The following WWOX variants were observed in gnomAD, a reference collection of about 807,000 sequenced individuals.
The protein encoded by WWOX is WW domain-containing oxidoreductase.
A neutral mutation model predicts 46.2 loss-of-function variants in WWOX; 69 were observed. The ratio of observed to expected loss-of-function variants is 1.49; its 90% CI spans 1.23 to 1.82. The LOEUF is 1.82. Among genes scored for constraint, WWOX ranks in the 40% most tolerant of loss-of-function variants. The probability of loss-of-function intolerance (pLI) is 0.00; values close to 1 mark genes in which losing one functional copy is unlikely to be tolerated. For missense variants in WWOX, 919 were observed against 542.6 expected (o/e 1.69, Z -6.89); for synonymous variants, 359 against 202.6 (o/e 1.77, Z -6.56).
chr16:78,950,274 G>C (rs181367974), intron 8 of WWOX, among the ~76,000 whole-genome samples: 1 of 152,270 alleles, frequency 6.6e-6, no homozygotes, highest in Admixed American at 6.5e-5. Context: ...TGATGTGTGT[G>C]CCTTTGGAGT....
chr16:78,155,967 A>G (rs2034583074), intron 4 of WWOX, among the ~76,000 whole-genome samples: 1 of 152,354 alleles, frequency 6.6e-6, no homozygotes. Flanking sequence ...CTGTTAAACT[A>G]TCATCTTTTG....
intron 8 of WWOX, among the ~76,000 whole-genome samples, chr16:78,533,523 T>A (rs2043681266): frequency 6.6e-6 from 1 of 152,130 alleles, no homozygotes; most frequent in Non-Finnish European, 1.5e-5. Context: ...CCAGCTATGG[T>A]TTGGACAAGC....
chr16:78,213,949 G>A (rs1315494111), intron 5 of WWOX, among the ~76,000 whole-genome samples: 1 of 152,120 alleles, frequency 6.6e-6, no homozygotes, highest in Non-Finnish European at 1.5e-5. Flanking sequence ...GCTGTGGCCC[G>A]CGCCTCCCCT....
At chr16:78,525,184 C>A (rs1375316031) in intron 8 of WWOX, 1 of 102,170 alleles carries the variant, frequency 9.8e-6, no homozygotes, top group Non-Finnish European at 2.0e-5. Context: ...TTTTTCTTTT[C>A]TTTTTTTTTT....
chr16:79,177,591 G>A (rs1004676277), intron 8 of WWOX, among the ~76,000 whole-genome samples: 6 of 152,044 alleles, frequency 3.9e-5, no homozygotes, highest in Non-Finnish European at 8.8e-5. Context: ...GGGTGATGGA[G>A]TGGGGGAAAA....
At chr16:78,233,388 A>T (rs2037331931) in intron 5 of WWOX, among the ~76,000 whole-genome samples, 1 of 152,120 alleles carries the variant, frequency 6.6e-6, no homozygotes, top group Admixed American at 6.5e-5. Flanking sequence ...ATTATTGTTG[A>T]CTATAGGTAA....
chr16:78,639,877 C>A (rs996666707), intron 8 of WWOX, among the ~76,000 whole-genome samples: 1 of 151,938 alleles, frequency 6.6e-6, no homozygotes, highest in Non-Finnish European at 1.5e-5. Context: ...AGATTGGCTT[C>A]TGTGTGAGGA....
chr16:78,402,424 T>C (rs1196570679), intron 6 of WWOX, among the ~76,000 whole-genome samples: 1 of 152,236 alleles, frequency 6.6e-6, no homozygotes, highest in Non-Finnish European at 1.5e-5. Flanking sequence ...CTGTAAAAGA[T>C]GCTGCTATGA....
At chr16:78,629,225 C>A (rs534902366) in intron 8 of WWOX, among the ~76,000 whole-genome samples, 1 of 140,188 alleles carries the variant, frequency 7.1e-6, no homozygotes. Flanking sequence ...AAGACTTTTT[C>A]TCTTGGGTAT....
At chr16:78,796,500 C>G (rs1270122496) in intron 8 of WWOX, among the ~76,000 whole-genome samples, 3 of 152,208 alleles carry the variant, frequency 2.0e-5, no homozygotes, top group Admixed American at 6.5e-5. Context: ...CTGGTGATGC[C>G]TCGAGGAGGC....
intron 8 of WWOX, among the ~76,000 whole-genome samples, chr16:78,577,757 G>A (rs768655615): frequency 2.0e-5 from 3 of 152,114 alleles, no homozygotes; most frequent in African/African-American, 4.8e-5. Context: ...GCAGTCTTGC[G>A]GAAGGTGCCA....
chr16:78,190,976 C>G (rs1397946976), intron 5 of WWOX, among the ~76,000 whole-genome samples: 1 of 152,170 alleles, frequency 6.6e-6, no homozygotes, highest in Admixed American at 6.5e-5. Context: ...TTACTTGAGT[C>G]TTGCACCTCT....
intron 5 of WWOX, among the ~76,000 whole-genome samples, chr16:78,248,598 T>C (rs2037891267): frequency 6.6e-6 from 1 of 152,012 alleles, no homozygotes; most frequent in Non-Finnish European, 1.5e-5. Context: ...TAGCCAGGCG[T>C]GGCGGCACAT....
At chr16:78,890,904 A>G (rs979497670) in intron 8 of WWOX, 2 of 152,190 alleles carry the variant, frequency 1.3e-5, no homozygotes, top group Non-Finnish European at 2.9e-5. Flanking sequence ...TAATAACTGA[A>G]TCAATCTCCT....
intron 8 of WWOX, among the ~76,000 whole-genome samples, chr16:79,097,909 A>G (rs925645046): frequency 3.9e-5 from 6 of 152,144 alleles, no homozygotes; most frequent in African/African-American, 1.2e-4. Flanking sequence ...ACCAGGCAAC[A>G]TGCATTACAG....
At chr16:78,849,091 A>G (rs764938813) in intron 8 of WWOX, among the ~76,000 whole-genome samples, 1 of 152,130 alleles carries the variant, frequency 6.6e-6, no homozygotes, top group Non-Finnish European at 1.5e-5. Flanking sequence ...CCCAGGGTCT[A>G]CTTGGTGTCC....
At chr16:79,100,633 G>T (rs994300380) in intron 8 of WWOX, among the ~76,000 whole-genome samples, 7 of 152,206 alleles carry the variant, frequency 4.6e-5, no homozygotes, top group South Asian at 4.2e-4. Flanking sequence ...GACAGGCCGC[G>T]TTGCAATTTT....
chr16:78,619,515 C>G (rs907542502), intron 8 of WWOX, among the ~76,000 whole-genome samples: 4 of 151,774 alleles, frequency 2.6e-5, no homozygotes, highest in African/African-American at 9.7e-5. Flanking sequence ...CTCCTCCTAT[C>G]CCCTTTCAGC....
chr16:79,071,088 A>C (rs770292684), intron 8 of WWOX, among the ~76,000 whole-genome samples: 3 of 152,182 alleles, frequency 2.0e-5, no homozygotes, highest in African/African-American at 7.2e-5. Context: ...TTCTCTTTTT[A>C]TGATTCCCAT....
Sources: gnomAD v4.1 joint callset for allele counts (sites outside exome capture counted in the v4.1 genomes callset) on GRCh38, gnomAD v4.1.1 for gene constraint, MANE v1.5 for transcripts, NCBI Gene and HGNC (gene_info 2026-07-23, HGNC 2026-07-21) for gene names.